Variants in MKRN2 observed in about 807,000 individuals in gnomAD.
The protein encoded by MKRN2 is E3 ubiquitin-protein ligase makorin-2.
Under a neutral mutation model 45.4 loss-of-function variants are expected in MKRN2, and 32 were observed. The observed-to-expected ratio is 0.70, with a 90% CI of 0.53 to 0.95. MKRN2 has a LOEUF of 0.95. Ranked by LOEUF, MKRN2 falls within the 40% of genes least tolerant of loss-of-function variation. The pLI, the probability that MKRN2 is intolerant of heterozygous loss-of-function variation, is 0.00. For missense variants in MKRN2, 526 were observed against 536.7 expected, an observed-to-expected ratio of 0.98 and a Z score of 0.20; for synonymous variants, 206 against 192.4, an observed-to-expected ratio of 1.07 and a Z score of -0.59.
chr3:12,564,465 A>G (rs569368927), intron 1 of MKRN2, among the ~76,000 whole-genome samples: 1 of 152,220 alleles, frequency 6.6e-6, no homozygotes, highest in Non-Finnish European at 1.5e-5. Context: ...AATATCTTTC[A>G]AAATATCTGG....
At chr3:12,564,794 C>T (rs1490378870) in intron 1 of MKRN2, among the ~76,000 whole-genome samples, 1 of 152,218 alleles carries the variant, frequency 6.6e-6, no homozygotes, top group African/African-American at 2.4e-5. Flanking sequence ...CTCCTCCCAA[C>T]CCTAGGCAAC....
rs1423317885 is a variant in MKRN2 at position 12,582,513 on chromosome 3, A to G, written c.*260A>G. Reference sequence around the variant, plus strand: ...CACCTCAAGCCCCTCAGGGGTAACAACTAACAAACACCCAAACTGTTTGGA... The same window carrying G: ...CACCTCAAGCCCCTCAGGGGTAACAGCTAACAAACACCCAAACTGTTTGGA... On this transcript the variant is annotated 3_prime_UTR_variant, in exon 8 of 8. Transcript: ENST00000170447. 5.2e-6 allele frequency: 2 copies of G among 383,082 alleles called. No individual in the cohort carries two copies. Among genetic ancestry groups the G allele is most frequent in the Non-Finnish European group, 9.4e-6 (2 of 211,764 alleles). 23.7% of individuals were successfully genotyped at this position (383,082 alleles called of 1,614,324 possible).
intron 4 of MKRN2, among the ~76,000 whole-genome samples, chr3:12,573,556 A>T (rs996848257): frequency 3.9e-5 from 6 of 152,010 alleles, no homozygotes; most frequent in Non-Finnish European, 8.8e-5. Context: ...TAATAAAAAA[A>T]TTTAAAAATG....
intron 6 of MKRN2, among the ~76,000 whole-genome samples, chr3:12,579,125 T>G (rs1051445034): frequency 2.0e-5 from 3 of 152,130 alleles, no homozygotes; most frequent in Non-Finnish European, 2.9e-5. Flanking sequence ...TCACTATGGG[T>G]CAGGTACCTT....
intron 7 of MKRN2, 26 bp from the exon 8 acceptor site, chr3:12,582,090 G>C: frequency 6.2e-7 from 1 of 1,614,148 alleles, no homozygotes; most frequent in South Asian, 1.1e-5. Context: ...GCAGTAACCA[G>C]GCATGTCCAC....
chr3:12,576,569 CAG>C lies in MKRN2; in HGVS notation c.858-57_858-56del, dbSNP rs1302016598. ...TGAGGCAGTTGAGCAAGAGGTTTAG[CAG>C]AGAGTGTGCCCAGGCTTCGTAACAT... On this transcript the variant is annotated intron_variant, in intron 5 of 7. Transcript: ENST00000170447. 3.2e-5 allele frequency: 39 copies of C among 1,207,410 alleles called. No individual in the cohort carries two copies. The Admixed American group carries it at 6.2e-4, about 19-fold the overall frequency. 74.8% of individuals were successfully genotyped at this position (1,207,410 alleles called of 1,614,324 possible).
chr3:12,559,129 GA>G (rs1348250413), intron 1 of MKRN2, among the ~76,000 whole-genome samples: 1 of 152,166 alleles, frequency 6.6e-6, no homozygotes, highest in African/African-American at 2.4e-5. Flanking sequence ...AAACTGCAAA[GA>G]AGTTTACTCA....
At position 12,582,131 on chromosome 3, in the gene MKRN2, C is replaced by G. The variant is rs763839801; in HGVS notation, c.1129C>G (p.Arg377Gly). ...GTTTTTGCAGTTCTTTAATTCAGTG[C>G]GGCTCTGGGATTTCATCGAGAACCG... ...QGTVRFFNSV[R>G]LWDFIENRES... Residue 377 changes from arginine to glycine, a missense_variant, in exon 8 of 8, where the codon CGG (arginine) becomes GGG (glycine). Coordinates refer to ENST00000170447, the MANE Select transcript of MKRN2 (RefSeq NM_014160.5). 1.9e-6 allele frequency: 3 copies of G among 1,614,100 alleles called. No individual in the cohort carries two copies. The highest frequency in any genetic ancestry group is 2.5e-6 in the Non-Finnish European group (3 of 1,180,012).
chr3:12,557,218 G>A (rs1277630062), intron 1 of MKRN2, 42 bp downstream of exon 1: 10 of 1,526,582 alleles, frequency 6.6e-6, no homozygotes, highest in Non-Finnish European at 8.8e-6. Context: ...GCTCCCCCAG[G>A]CCGCAGGGGG....
chr3:12,561,700 G>A (rs1034390552), intron 1 of MKRN2, among the ~76,000 whole-genome samples: 2 of 151,954 alleles, frequency 1.3e-5, no homozygotes, highest in South Asian at 4.1e-4. Flanking sequence ...CTTTGAACCT[G>A]TCCTCTTTCA....
chr3:12,576,862 A>G, intron 6 of MKRN2, 121 bp downstream of exon 6: 2 of 549,766 alleles, frequency 3.6e-6, no homozygotes, highest in Admixed American at 3.0e-5. Flanking sequence ...TCCTTCTCTC[A>G]GGCACCATGC....
chr3:12,572,432 GACACGGAAGGCCATCCATAT>G (rs1408986656), intron 4 of MKRN2, 59 bp downstream of exon 4: 1 of 1,456,050 alleles, frequency 6.9e-7, no homozygotes, highest in Non-Finnish European at 9.2e-7. Flanking sequence ...TACTGAACAG[GACACGGAAGGCCATCCATAT>G]ACACTCAAGA....
rs202214903 is a variant in MKRN2, at chr3:12,572,061, G to T, written c.338-8G>T. 6.0e-5 allele frequency: 95 copies of T among 1,586,990 alleles called. No individual in the cohort carries two copies. The African/African-American group carries it at 9.9e-4, about 17-fold the overall frequency. On this transcript the variant is annotated splice_region_variant and splice_polypyrimidine_tract_variant and intron_variant, in intron 3 of 7. Coordinates refer to ENST00000170447, the MANE Select transcript of MKRN2 (RefSeq NM_014160.5). Reference sequence around the variant, plus strand: ...TTCATGTGCATGTGTGCTGTGTGTTGTTTTCAGATCTCTCTGGCATGGCTG... The same window carrying T: ...TTCATGTGCATGTGTGCTGTGTGTTTTTTTCAGATCTCTCTGGCATGGCTG...
chr3:12,581,785 G>T, intron 6 of MKRN2, 23 bp from the exon 7 acceptor site: 2 of 1,612,600 alleles, frequency 1.2e-6, no homozygotes, highest in South Asian at 2.2e-5. Flanking sequence ...CCAGCCTCTT[G>T]ACTTTTTCTT....
intron 1 of MKRN2, 137 bp downstream of exon 1, chr3:12,557,313 T>G: frequency 8.0e-7 from 1 of 1,243,816 alleles, no homozygotes; most frequent in Non-Finnish European, 1.1e-6. Flanking sequence ...GGCGGGGCTT[T>G]GCGAGGCAGA....
intron 1 of MKRN2, among the ~76,000 whole-genome samples, chr3:12,559,545 T>A (rs1052369929): frequency 2.6e-5 from 4 of 152,222 alleles, no homozygotes; most frequent in African/African-American, 9.6e-5. Context: ...ATGTCAGTTT[T>A]GCTTCCAATC....
chr3:12,569,188 G>GT (rs2058084887), intron 2 of MKRN2, among the ~76,000 whole-genome samples, 185 bp downstream of exon 2: 1 of 151,430 alleles, frequency 6.6e-6, no homozygotes, highest in Non-Finnish European at 1.5e-5. Flanking sequence ...TTGAGATAGA[G>GT]TCTCTCACTG....
chr3:12,575,584 T>G (rs1035747122), intron 5 of MKRN2, among the ~76,000 whole-genome samples: 3 of 152,108 alleles, frequency 2.0e-5, no homozygotes, highest in Admixed American at 6.5e-5. Context: ...TCTCATTCCC[T>G]CAAAGACCCT....
intron 3 of MKRN2, 73 bp downstream of exon 3, chr3:12,570,325 C>A: frequency 6.8e-7 from 1 of 1,463,514 alleles, no homozygotes; most frequent in Non-Finnish European, 9.3e-7. Context: ...TCCTTTCTAG[C>A]CTCCTCTTGT....
Sources: gnomAD v4.1 joint callset for allele counts (sites outside exome capture counted in the v4.1 genomes callset) on GRCh38, gnomAD v4.1.1 for gene constraint, MANE v1.5 for transcripts, NCBI Gene and HGNC (gene_info 2026-07-23, HGNC 2026-07-21) for gene names.